Variants in PARD3 observed in about 807,000 individuals in gnomAD.
PARD3 encodes the protein partitioning defective 3 homolog.
PARD3 carries 75 observed loss-of-function variants against 155.4 expected under a neutral mutation model. That is an observed-to-expected ratio of 0.48 (90% CI 0.40 to 0.58). The LOEUF is 0.58. PARD3 is among the 20% of genes least tolerant of loss of function. The pLI, the probability that PARD3 is intolerant of heterozygous loss-of-function variation, is 0.00. For missense variants in PARD3, 1,642 were observed against 1,721.7 expected (o/e 0.95, Z 0.82); for synonymous variants, 576 against 610.5 (o/e 0.94, Z 0.83).
intron 14 of PARD3, 150 bp downstream of exon 14, chr10:34,358,997 C>A: frequency 1.8e-6 from 1 of 566,198 alleles, no homozygotes; most frequent in African/African-American, 1.9e-5. Context: ...AACCACAATC[C>A]ACCTACAAAA....
At chr10:34,281,264 C>T (rs568438584) in intron 21 of PARD3, among the ~76,000 whole-genome samples, 62 of 152,290 alleles carry the variant, frequency 4.1e-4, no homozygotes, top group Admixed American at 1.5e-3. Flanking sequence ...GCACGAAGCA[C>T]TGAATTCACA....
chr10:34,119,582 G>A (rs1373270670), intron 24 of PARD3, 31 bp downstream of exon 24: 37 of 1,576,574 alleles, frequency 2.3e-5, no homozygotes, highest in Non-Finnish European at 2.8e-5. Context: ...GGGCCGGGGG[G>A]ATCTGGAGGC....
intron 19 of PARD3, among the ~76,000 whole-genome samples, chr10:34,322,569 T>C (rs1958445064): frequency 6.6e-6 from 1 of 152,176 alleles, no homozygotes; most frequent in South Asian, 2.1e-4. Context: ...TCATTTTAGG[T>C]AGCTTTGGCA....
chr10:34,633,725 C>T (rs2092365036), intron 2 of PARD3, among the ~76,000 whole-genome samples: 1 of 152,164 alleles, frequency 6.6e-6, no homozygotes, highest in Non-Finnish European at 1.5e-5. Context: ...ATGGTAAGTT[C>T]TATTTTTAGG....
intron 5 of PARD3, among the ~76,000 whole-genome samples, chr10:34,436,813 GA>G (rs947654199): frequency 4.1e-5 from 6 of 147,650 alleles, no homozygotes; most frequent in South Asian, 2.1e-4. Flanking sequence ...GCTATATTAA[GA>G]AAAAAAAAAT....
rs866090291 is a variant in PARD3 at position 34,272,093 on chromosome 10, A to C, written c.3177-2194T>G. Among the ~76,000 whole-genome samples, 6 of 152,234 alleles carry C rather than the reference A, an allele frequency of 3.9e-5. No homozygotes were observed. The South Asian group carries it at 1.2e-3, about 32-fold the overall frequency. On this transcript the variant is annotated intron_variant, in intron 21 of 24. Transcript: ENST00000374788. ...TAGTTTTTTCAACCAATGGTGCAGG[A>C]GCCATGAGATAACCATAGGCAAAAA...
At chr10:34,591,162 T>C (rs2088643592) in intron 2 of PARD3, among the ~76,000 whole-genome samples, 2 of 151,508 alleles carry the variant, frequency 1.3e-5, no homozygotes, top group Non-Finnish European at 2.9e-5. Flanking sequence ...CCCATCCCAC[T>C]CCACATCGTT....
chr10:34,481,399 G>A (rs538048067), intron 3 of PARD3, among the ~76,000 whole-genome samples: 13 of 152,234 alleles, frequency 8.5e-5, no homozygotes, highest in African/African-American at 3.1e-4. Flanking sequence ...CCTCTCAGGC[G>A]AGAGTGAAGG....
intron 2 of PARD3, among the ~76,000 whole-genome samples, chr10:34,671,000 A>G (rs2093601106): frequency 6.6e-6 from 1 of 152,250 alleles, no homozygotes; most frequent in African/African-American, 2.4e-5. Context: ...GACCAACTCC[A>G]GAGTCATCGG....
At chr10:34,292,002 C>T (rs1467135873) in intron 20 of PARD3, among the ~76,000 whole-genome samples, 2 of 152,182 alleles carry the variant, frequency 1.3e-5, no homozygotes, top group Non-Finnish European at 2.9e-5. Flanking sequence ...GGAACTGCTC[C>T]TAATCATTGC....
At chr10:34,585,425 GAAATT>G (rs1446291418) in intron 2 of PARD3, among the ~76,000 whole-genome samples, 1 of 151,936 alleles carries the variant, frequency 6.6e-6, no homozygotes, top group Non-Finnish European at 1.5e-5. Flanking sequence ...ATTAGGAACT[GAAATT>G]AAACTAACAA....
chr10:34,438,334 A>AT (rs1280996161), intron 5 of PARD3, among the ~76,000 whole-genome samples: 2 of 152,138 alleles, frequency 1.3e-5, no homozygotes, highest in African/African-American at 2.4e-5. Flanking sequence ...GTTTATAATC[A>AT]TTTTTTTCTT....
chr10:34,178,660 C>A (rs1435909513), intron 22 of PARD3, among the ~76,000 whole-genome samples: 1 of 152,142 alleles, frequency 6.6e-6, no homozygotes, highest in African/African-American at 2.4e-5. Context: ...AGATGCTAAA[C>A]CTTTAGGCAC....
chr10:34,116,498 C>T (rs34094444), intron 24 of PARD3, among the ~76,000 whole-genome samples: 1,741 of 152,314 alleles, frequency 0.011, 26 homozygotes, highest in Admixed American at 0.05. Context: ...TCCCCCCTGA[C>T]CTCCTGTTTG....
intron 22 of PARD3, among the ~76,000 whole-genome samples, chr10:34,250,372 C>T (rs536946416): frequency 1.3e-5 from 2 of 152,284 alleles, no homozygotes; most frequent in Non-Finnish European, 2.9e-5. Context: ...GTCTGCAAAT[C>T]AGCAGGTTCT....
At chr10:34,139,900 G>A (rs1948093355) in intron 22 of PARD3, among the ~76,000 whole-genome samples, 2 of 152,290 alleles carry the variant, frequency 1.3e-5, no homozygotes, top group South Asian at 2.1e-4. Context: ...ATTCAGAGAG[G>A]CAGGTAAACA....
intron 20 of PARD3, among the ~76,000 whole-genome samples, chr10:34,298,653 G>A (rs923828981): frequency 4.6e-5 from 7 of 152,206 alleles, no homozygotes; most frequent in Non-Finnish European, 1.0e-4. Context: ...AGGCGTTCTA[G>A]AAACTAATGG....
rs74131604 is a variant in PARD3, at chr10:34,144,879, C to T, written c.3420-13296G>A. Among the ~76,000 whole-genome samples the T allele has an allele frequency of 3.9e-3, 599 of 152,190 alleles. 2 individuals are homozygous for T. The highest frequency in any genetic ancestry group is 0.014 in the African/African-American group (570 of 41,528). On this transcript the variant is annotated intron_variant, in intron 22 of 24. Transcript: ENST00000374788. ...GCCCTCTAACCTCAAAAGCTCCCAC[C>T]ACATACGCCAATCTAGGCTGCCTGC...
intron 15 of PARD3, among the ~76,000 whole-genome samples, chr10:34,342,624 G>A (rs7075608): frequency 0.027 from 4,100 of 152,286 alleles, 174 homozygotes; most frequent in African/African-American, 0.094. Flanking sequence ...TAGGATCTGA[G>A]TGGCCAGAGG....
Sources: allele counts gnomAD v4.1 joint callset (sites outside exome capture counted in the v4.1 genomes callset), GRCh38; gene constraint gnomAD v4.1.1; transcripts MANE v1.5; gene names NCBI Gene and HGNC (gene_info 2026-07-23, HGNC 2026-07-21).